The following SYTL3 variants were observed in gnomAD, a reference collection of about 807,000 sequenced individuals.
SYTL3 encodes the protein synaptotagmin-like protein 3.
Under a neutral mutation model 82.1 loss-of-function variants are expected in SYTL3, and 88 were observed. That is an observed-to-expected ratio of 1.07 (90% CI 0.90 to 1.28). The LOEUF (loss-of-function observed/expected upper bound fraction) is 1.28, where lower values mean the gene tolerates loss of function less well. Ranked by LOEUF, SYTL3 falls within the 50% of genes most tolerant of loss-of-function variation. The probability of loss-of-function intolerance (pLI) is 0.00; values close to 1 mark genes in which losing one functional copy is unlikely to be tolerated. For missense variants in SYTL3, 831 were observed against 757.6 expected (o/e 1.10, Z -1.14); for synonymous variants, 311 against 289.4 (o/e 1.07, Z -0.76).
intron 1 of SYTL3, among the ~76,000 whole-genome samples, chr6:158,651,143 A>G (rs929373275): frequency 2.0e-5 from 3 of 152,220 alleles, no homozygotes; most frequent in Non-Finnish European, 4.4e-5. Flanking sequence ...TAGAATGGGT[A>G]CATTTACTTC....
intron 11 of SYTL3, among the ~76,000 whole-genome samples, chr6:158,740,632 A>G (rs1262498724): frequency 1.3e-5 from 2 of 152,138 alleles, no homozygotes; most frequent in Admixed American, 6.5e-5. Context: ...CCTTAGTCCT[A>G]AGGAAACTGG....
chr6:158,682,173 A>C (rs561274477), intron 5 of SYTL3, among the ~76,000 whole-genome samples: 1 of 151,942 alleles, frequency 6.6e-6, no homozygotes, highest in African/African-American at 2.4e-5. Flanking sequence ...TCCTGACCTC[A>C]AGTGATCCAC....
chr6:158,699,126 C>CT (rs1780876459), intron 6 of SYTL3, among the ~76,000 whole-genome samples: 1 of 152,164 alleles, frequency 6.6e-6, no homozygotes, highest in South Asian at 2.1e-4. Context: ...TGAAAGAGGC[C>CT]TAACCACACT....
intron 5 of SYTL3, among the ~76,000 whole-genome samples, chr6:158,674,344 T>G (rs1437391433): frequency 1.3e-5 from 2 of 152,156 alleles, no homozygotes; most frequent in Non-Finnish European, 2.9e-5. Flanking sequence ...TGGCTCTTCC[T>G]TCTATCTTGC....
At chr6:158,692,761 T>C (rs1438501479) in intron 6 of SYTL3, among the ~76,000 whole-genome samples, 8 of 133,938 alleles carry the variant, frequency 6.0e-5, no homozygotes, top group Admixed American at 7.8e-5. Context: ...CGTGGTGAAA[T>C]CCCGTCTCTA....
At chr6:158,656,238 G>A (rs188809452) in intron 2 of SYTL3, among the ~76,000 whole-genome samples, 8 of 152,114 alleles carry the variant, frequency 5.3e-5, no homozygotes, top group Admixed American at 1.3e-4. Context: ...CAGGCCTGGC[G>A]GTGGCGTCTC....
chr6:158,719,344 G>A lies in SYTL3; in HGVS notation c.720+1133G>A, dbSNP rs549836518. ...TGCCAAAGGTTGTATAGCCAAAAGA[G>A]GACTGAACTCTGAGGCAGTGATTCC... On this transcript the variant is annotated intron_variant, in intron 10 of 17. Transcript: ENST00000611299. 3.9e-5 allele frequency among the ~76,000 whole-genome samples: 6 copies of A among 152,292 alleles called. No homozygotes were observed. The East Asian group carries it at 1.2e-3, about 29-fold the overall frequency.
chr6:158,706,677 G>A (rs371365794), intron 6 of SYTL3, among the ~76,000 whole-genome samples: 23 of 152,104 alleles, frequency 1.5e-4, no homozygotes, highest in African/African-American at 4.1e-4. Flanking sequence ...TATTTCTGGC[G>A]TCTTAACACA....
intron 1 of SYTL3, among the ~76,000 whole-genome samples, chr6:158,650,543 A>G (rs150130119): frequency 2.0e-3 from 312 of 152,316 alleles, no homozygotes; most frequent in African/African-American, 6.9e-3. Context: ...AAAGTTAGCT[A>G]GGGTCTAATT....
At chr6:158,744,304 C>CTTTTTTTTTTTTTTTTT (rs869182913) in intron 11 of SYTL3, among the ~76,000 whole-genome samples, 1 of 99,208 alleles carries the variant, frequency 1.0e-5, no homozygotes. Context: ...CTTTTTCTTT[C>CTTTTTTTTTTTTTTTTT]TTTTTTTTTT....
At chr6:158,731,856 G>A (rs554639722) in intron 11 of SYTL3, among the ~76,000 whole-genome samples, 1 of 152,188 alleles carries the variant, frequency 6.6e-6, no homozygotes, top group Non-Finnish European at 1.5e-5. Flanking sequence ...GCCTTCCAAA[G>A]TGCTGGGATT....
intron 2 of SYTL3, among the ~76,000 whole-genome samples, chr6:158,654,201 G>A (rs1304900519): frequency 6.6e-6 from 1 of 152,146 alleles, no homozygotes; most frequent in Admixed American, 6.5e-5. Flanking sequence ...AGTGACTCTT[G>A]CCTTCTGATC....
intron 11 of SYTL3, 111 bp downstream of exon 11, chr6:158,725,748 G>A: frequency 7.2e-7 from 1 of 1,386,242 alleles, no homozygotes; most frequent in Non-Finnish European, 9.9e-7. Flanking sequence ...CCTTATTTTT[G>A]GAGAACAGCA....
chr6:158,675,670 G>A (rs530267936), intron 5 of SYTL3, among the ~76,000 whole-genome samples: 8 of 152,226 alleles, frequency 5.3e-5, no homozygotes, highest in East Asian at 3.9e-4. Flanking sequence ...AAAAATGGCC[G>A]GGCGCAGTGG....
chr6:158,692,032 C>A (rs1421999936), intron 6 of SYTL3, among the ~76,000 whole-genome samples: 1 of 145,176 alleles, frequency 6.9e-6, no homozygotes, highest in African/African-American at 2.5e-5. Flanking sequence ...CCGAGGCGGG[C>A]GGATCACGAG....
chr6:158,703,822 CATT>C (rs71761794), intron 6 of SYTL3, among the ~76,000 whole-genome samples: 43,406 of 129,174 alleles, frequency 0.34, 7,315 homozygotes, highest in East Asian at 0.69. Flanking sequence ...ATATTATTAT[CATT>C]ATTATTATTA....
intron 5 of SYTL3, among the ~76,000 whole-genome samples, chr6:158,673,727 C>T (rs991644327): frequency 6.6e-6 from 1 of 151,428 alleles, no homozygotes; most frequent in Middle Eastern, 3.4e-3. Flanking sequence ...TGTGAGCCAC[C>T]ACGCCCCGCC....
At chr6:158,673,062 C>G (rs1777584496) in intron 5 of SYTL3, among the ~76,000 whole-genome samples, 2 of 152,110 alleles carry the variant, frequency 1.3e-5, no homozygotes, top group South Asian at 4.1e-4. Flanking sequence ...TCCCAAATAG[C>G]TGGGACTCCA....
chr6:158,733,387 C>T (rs1048843918), intron 11 of SYTL3, among the ~76,000 whole-genome samples: 1 of 151,992 alleles, frequency 6.6e-6, no homozygotes, highest in African/African-American at 2.4e-5. Flanking sequence ...AGTGCAGTGG[C>T]CCAACCTCAG....
Sources: gnomAD v4.1 joint callset for allele counts (sites outside exome capture counted in the v4.1 genomes callset) on GRCh38, gnomAD v4.1.1 for gene constraint, MANE v1.5 for transcripts, NCBI Gene and HGNC (gene_info 2026-07-23, HGNC 2026-07-21) for gene names.